The following LRP4 variants were observed in gnomAD, a reference collection of about 807,000 sequenced individuals.
LRP4 encodes the protein LDL receptor related protein 4.
In LRP4, 95 loss-of-function variants were observed where a neutral mutation model predicts 220.3. The ratio of observed to expected loss-of-function variants is 0.43; its 90% CI spans 0.37 to 0.51. LRP4 has a LOEUF of 0.51. LRP4 is among the 20% of genes least tolerant of loss of function. The pLI is 0.00. For synonymous variants in LRP4, 903 were observed against 954.6 expected, an observed-to-expected ratio of 0.95 and a Z score of 1.00; for missense variants, 1,925 against 2,567.0, an observed-to-expected ratio of 0.75 and a Z score of 5.40.
intron 7 of LRP4, among the ~76,000 whole-genome samples, chr11:46,898,173 G>A (rs963638774): frequency 6.6e-6 from 1 of 151,890 alleles, no homozygotes; most frequent in East Asian, 1.9e-4. Flanking sequence ...CAGTAGGGGC[G>A]GCCAGGCAGA....
intron 13 of LRP4, among the ~76,000 whole-genome samples, chr11:46,892,538 G>C (rs1214659421): frequency 6.6e-6 from 1 of 151,400 alleles, no homozygotes; most frequent in Non-Finnish European, 1.5e-5. Context: ...TCAAGTGTGT[G>C]GGGGACAGAG....
At chr11:46,860,954 GA>G in intron 37 of LRP4, 1 of 985,276 alleles carries the variant, frequency 1.0e-6, no homozygotes, top group Non-Finnish European at 1.2e-6. Context: ...AATCAGAAGA[GA>G]AAAGGTGAAA....
chr11:46,889,096 G>A (rs1734542682), intron 16 of LRP4, among the ~76,000 whole-genome samples: 1 of 152,212 alleles, frequency 6.6e-6, no homozygotes, highest in South Asian at 2.1e-4. Flanking sequence ...TCATTCCCCT[G>A]TTTTCTAGAA....
intron 1 of LRP4, among the ~76,000 whole-genome samples, chr11:46,906,709 C>T (rs951839146): frequency 6.6e-6 from 1 of 152,130 alleles, no homozygotes; most frequent in Non-Finnish European, 1.5e-5. Flanking sequence ...TAGGGAAGAA[C>T]CTTAAGCTCC....
chr11:46,877,856 C>T (rs1270170490), intron 22 of LRP4, among the ~76,000 whole-genome samples: 1 of 152,160 alleles, frequency 6.6e-6, no homozygotes, highest in African/African-American at 2.4e-5. Flanking sequence ...ACATAAAGCA[C>T]TTACCATTAG....
At chr11:46,877,361 A>G (rs1347790045) in intron 22 of LRP4, 22 bp from the exon 23 acceptor site, 2 of 1,613,938 alleles carry the variant, frequency 1.2e-6, no homozygotes, top group East Asian at 2.2e-5. Flanking sequence ...AGAGGAGGGA[A>G]GAGGATCACT....
chr11:46,868,857 G>C, intron 32 of LRP4, 131 bp downstream of exon 32: 1 of 1,382,946 alleles, frequency 7.2e-7, no homozygotes, highest in Non-Finnish European at 1.0e-6. Flanking sequence ...GGAGTAAAAA[G>C]TTCTAAGCGT....
intron 13 of LRP4, 115 bp downstream of exon 13, chr11:46,892,858 C>G: frequency 7.5e-7 from 1 of 1,328,396 alleles, no homozygotes; most frequent in East Asian, 2.5e-5. Flanking sequence ...GCGTGAGCCA[C>G]CGCGCCCAGC....
intron 37 of LRP4, among the ~76,000 whole-genome samples, 197 bp downstream of exon 37, chr11:46,862,409 G>T (rs1249820557): frequency 6.6e-6 from 1 of 152,058 alleles, no homozygotes; most frequent in Non-Finnish European, 1.5e-5. Context: ...TCTCACTAAG[G>T]TCCCTCAAAC....
chr11:46,867,502 C>T lies in LRP4; in HGVS notation c.5087+477G>A, dbSNP rs1382895198. Among the ~76,000 whole-genome samples, 4 of 152,158 alleles carry T rather than the reference C, an allele frequency of 2.6e-5. No individual in the cohort carries two copies. The South Asian group carries it at 6.2e-4, about 24-fold the overall frequency. On this transcript the variant is annotated intron_variant, in intron 34 of 37. Coordinates refer to ENST00000378623, the MANE Select transcript of LRP4 (RefSeq NM_002334.4). Reference sequence around the variant, plus strand: ...TGAGATGGAGTTTCGCTCTTTGTTGCCCAGGCTGGAGTGTAATGGCGCGAT... The same window carrying T: ...TGAGATGGAGTTTCGCTCTTTGTTGTCCAGGCTGGAGTGTAATGGCGCGAT...
intron 16 of LRP4, among the ~76,000 whole-genome samples, chr11:46,887,633 C>A (rs888412503): frequency 6.6e-6 from 1 of 151,832 alleles, no homozygotes; most frequent in African/African-American, 2.4e-5. Context: ...GAGTTTGAGA[C>A]CAGCCTGGCC....
intron 36 of LRP4, among the ~76,000 whole-genome samples, chr11:46,863,093 T>C (rs527383225): frequency 1.3e-5 from 2 of 152,222 alleles, no homozygotes; most frequent in East Asian, 1.9e-4. Flanking sequence ...AAGAAACTAA[T>C]GAGGAAGGCC....
At chr11:46,906,779 T>TC (rs1219485986) in intron 1 of LRP4, among the ~76,000 whole-genome samples, 1 of 152,110 alleles carries the variant, frequency 6.6e-6, no homozygotes, top group African/African-American at 2.4e-5. Context: ...AGTCCCGATT[T>TC]CCCCCGCGCA....
intron 7 of LRP4, 82 bp downstream of exon 7, chr11:46,898,476 G>A (rs747391707): frequency 3.0e-4 from 479 of 1,593,444 alleles, no homozygotes; most frequent in Non-Finnish European, 3.9e-4. Flanking sequence ...ATGAGCCACC[G>A]CGCCCAGCCG....
chr11:46,901,098 C>CT (rs1161206229), intron 2 of LRP4, among the ~76,000 whole-genome samples: 1 of 152,146 alleles, frequency 6.6e-6, no homozygotes, highest in Non-Finnish European at 1.5e-5. Context: ...ACCCAGCCCC[C>CT]TTGTCTGTTT....
At chr11:46,895,033 G>T in intron 11 of LRP4, 133 bp downstream of exon 11, 2 of 1,314,032 alleles carry the variant, frequency 1.5e-6, no homozygotes, top group Non-Finnish European at 2.2e-6. Flanking sequence ...TTGGGGCTCA[G>T]AATGCAACTG....
intron 2 of LRP4, among the ~76,000 whole-genome samples, chr11:46,901,516 G>A (rs1941664668): frequency 6.6e-6 from 1 of 152,066 alleles, no homozygotes; most frequent in Admixed American, 6.5e-5. Flanking sequence ...AACACAATTA[G>A]CTGAACTGGT....
chr11:46,911,545 T>C (rs924906198), intron 1 of LRP4, among the ~76,000 whole-genome samples: 1 of 145,834 alleles, frequency 6.9e-6, no homozygotes, highest in African/African-American at 2.6e-5. Flanking sequence ...GCTATGATCA[T>C]GCCACTGCAC....
rs554221606 is a variant in LRP4 at position 46,915,734 on chromosome 11, G to C, written c.52+2594C>G. Reference sequence around the variant, plus strand: ...AATTTTTGTATTTTTAGTAGAGATGGGGTTTTGCCATGTTGGCCAGGCTGG... The same window carrying C: ...AATTTTTGTATTTTTAGTAGAGATGCGGTTTTGCCATGTTGGCCAGGCTGG... On this transcript the variant is annotated intron_variant, in intron 1 of 37. Coordinates refer to ENST00000378623, the MANE Select transcript of LRP4 (RefSeq NM_002334.4). 1.4e-3 allele frequency among the ~76,000 whole-genome samples: 218 copies of C among 152,176 alleles called. 2 individuals are homozygous for C. The highest frequency in any genetic ancestry group is 7.5e-3 in the South Asian group (36 of 4,820).
Sources: gnomAD v4.1 joint callset for allele counts (sites outside exome capture counted in the v4.1 genomes callset) on GRCh38, gnomAD v4.1.1 for gene constraint, MANE v1.5 for transcripts, NCBI Gene and HGNC (gene_info 2026-07-23, HGNC 2026-07-21) for gene names.